KLF13: variants seen among roughly 807,000 people sequenced by gnomAD.
The protein encoded by KLF13 is Krueppel-like factor 13.
Under a neutral mutation model 16.7 loss-of-function variants are expected in KLF13, and 8 were observed. The observed-to-expected ratio is 0.48, with a 90% CI of 0.28 to 0.87. The LOEUF (loss-of-function observed/expected upper bound fraction) is 0.87, where lower values mean the gene tolerates loss of function less well. KLF13 is among the 40% of genes least tolerant of loss of function. The pLI is 0.10. For synonymous variants in KLF13, 245 were observed against 208.4 expected, an observed-to-expected ratio of 1.18 and a Z score of -1.51; for missense variants, 447 against 452.2, an observed-to-expected ratio of 0.99 and a Z score of 0.10.
intron 1 of KLF13, among the ~76,000 whole-genome samples, chr15:31,415,101 C>T (rs1055597471): frequency 1.3e-5 from 2 of 152,158 alleles, no homozygotes; most frequent in Non-Finnish European, 2.9e-5. Flanking sequence ...CTTCCATTCT[C>T]TTGCCATGTG....
intron 1 of KLF13, among the ~76,000 whole-genome samples, chr15:31,360,337 C>G (rs2039363567): frequency 6.6e-6 from 1 of 152,212 alleles, no homozygotes; most frequent in African/African-American, 2.4e-5. Flanking sequence ...CCCCAGAGCA[C>G]TGGTCTCCCC....
At chr15:31,355,905 C>T (rs1389941868) in intron 1 of KLF13, among the ~76,000 whole-genome samples, 2 of 152,040 alleles carry the variant, frequency 1.3e-5, no homozygotes, top group Non-Finnish European at 2.9e-5. Context: ...TGGGGGTTGG[C>T]TGTCATCCTG....
intron 1 of KLF13, among the ~76,000 whole-genome samples, chr15:31,350,950 G>C (rs2039206611): frequency 6.6e-6 from 1 of 152,252 alleles, no homozygotes; most frequent in Non-Finnish European, 1.5e-5. Context: ...ATGACAGCGA[G>C]AGCAGGGAGG....
intron 1 of KLF13, chr15:31,420,245 A>AT (rs1165879289): frequency 1.5e-6 from 1 of 676,612 alleles, no homozygotes; most frequent in East Asian, 3.9e-5. Context: ...GCAGGAGCTG[A>AT]TGACCCTCAT....
downstream of KLF13, among the ~76,000 whole-genome samples, chr15:31,381,166 T>C (rs1328847381): frequency 9.6e-5 from 3 of 31,174 alleles, no homozygotes; most frequent in Non-Finnish European, 2.9e-4. Context: ...TGCAAGACTC[T>C]GTCTCAAAAA....
chr15:31,407,014 G>A (rs1187688673), downstream of KLF13, among the ~76,000 whole-genome samples: 1 of 152,166 alleles, frequency 6.6e-6, no homozygotes, highest in East Asian at 1.9e-4. Context: ...TTTTCCATGT[G>A]AGATAACATA....
chr15:31,432,320 A>G (rs1271533863), intron 1 of KLF13, among the ~76,000 whole-genome samples: 2 of 151,798 alleles, frequency 1.3e-5, no homozygotes, highest in East Asian at 3.9e-4. Flanking sequence ...AGAAGGTTCC[A>G]TACCAGCCAA....
At chr15:31,397,236 T>TGGGGC (rs2039965238) in intron 2 of KLF13, among the ~76,000 whole-genome samples, 1 of 2,022 alleles carries the variant, frequency 4.9e-4, no homozygotes, top group Non-Finnish European at 1.1e-3. Context: ...CGGGGTGGGG[T>TGGGGC]GGGGTGGGGC....
At chr15:31,415,148 G>A (rs1197897098) in intron 1 of KLF13, among the ~76,000 whole-genome samples, 6 of 152,044 alleles carry the variant, frequency 3.9e-5, no homozygotes, top group East Asian at 1.9e-4. Context: ...GCCTTCTGCC[G>A]TGAGTCCATG....
intron 1 of KLF13, among the ~76,000 whole-genome samples, chr15:31,349,657 G>T (rs963935374): frequency 6.6e-6 from 1 of 152,218 alleles, no homozygotes; most frequent in African/African-American, 2.4e-5. Context: ...TTAGGCTGGT[G>T]TCTGCAGGAG....
intron 1 of KLF13, among the ~76,000 whole-genome samples, chr15:31,387,714 C>T (rs776179518): frequency 6.6e-6 from 1 of 152,196 alleles, no homozygotes; most frequent in Non-Finnish European, 1.5e-5. Context: ...TGACATGGTT[C>T]ACAGATGTGG....
Position 31,428,820 on chromosome 15 carries a change from A to AAAAAAAAAAG in KLF13, n.118-6545_118-6544insAAAAGAAAAA, listed in dbSNP as rs61521558. On this transcript the variant is annotated intron_variant and non_coding_transcript_variant, in intron 1 of 1. Transcript: ENST00000558225. ...TCTATCTCAAAAAAAAAAAAAAAAA[A>AAAAAAAAAAG]AAAAAGAAAAAGAAAAAGAAATGCC... Among the ~76,000 whole-genome samples the AAAAAAAAAAG allele has an allele frequency of 3.2e-3, 229 of 72,656 alleles. 4 individuals carry two copies. The highest frequency in any genetic ancestry group is 3.8e-3 in the Non-Finnish European group (164 of 43,104). 47.7% of individuals were successfully genotyped at this position (72,656 alleles called of 152,430 possible).
intron 1 of KLF13, among the ~76,000 whole-genome samples, chr15:31,412,241 G>A (rs1321391546): frequency 6.6e-6 from 1 of 152,160 alleles, no homozygotes; most frequent in Non-Finnish European, 1.5e-5. Flanking sequence ...GACACCAAAT[G>A]TGCTAGCACC....
At chr15:31,429,251 C>A (rs777181780) in intron 1 of KLF13, among the ~76,000 whole-genome samples, 3 of 151,680 alleles carry the variant, frequency 2.0e-5, no homozygotes, top group Non-Finnish European at 4.4e-5. Flanking sequence ...CATGAGAAGT[C>A]CCTAAAAAGG....
In KLF13 at chr15:31,404,003, A is replaced by G. The variant is rs574858496; in HGVS notation, n.1105A>G. ...GCATGTTACCACAAGTACAGTGGTA[A>G]CTAAGCAGGTCGGCATAGGTGCCCA... On this transcript the variant is annotated non_coding_transcript_exon_variant, in exon 3 of 3. Coordinates refer to the KLF13 transcript ENST00000500533. 3 of 152,366 alleles carry G rather than the reference A, an allele frequency of 2.0e-5. No individual in the cohort carries two copies. In the South Asian group the frequency reaches 6.2e-4, roughly 32 times the overall value. 9.4% of individuals were successfully genotyped at this position (152,366 alleles called of 1,614,324 possible). A position where few individuals can be genotyped will look rare whatever the true frequency, so the allele number is the denominator to read the frequency against.
chr15:31,345,648 C>T (rs1385527211), intron 1 of KLF13, among the ~76,000 whole-genome samples: 1 of 152,196 alleles, frequency 6.6e-6, no homozygotes, highest in Non-Finnish European at 1.5e-5. Flanking sequence ...ACCAGGGGAC[C>T]CTGCCCTACT....
chr15:31,418,811 T>C (rs2040287154), intron 1 of KLF13, among the ~76,000 whole-genome samples: 1 of 152,196 alleles, frequency 6.6e-6, no homozygotes, highest in African/African-American at 2.4e-5. Context: ...GAGTAATTTA[T>C]AATGAAAAAA....
intron 1 of KLF13, among the ~76,000 whole-genome samples, chr15:31,432,317 T>C (rs1484891584): frequency 6.6e-6 from 1 of 152,044 alleles, no homozygotes; most frequent in African/African-American, 2.4e-5. Context: ...CGTAGAAGGT[T>C]CCATACCAGC....
chr15:31,372,441 G>GT lies in KLF13; in HGVS notation c.*144dup. 1 of 984,786 alleles carries GT rather than the reference G, an allele frequency of 1.0e-6. No homozygotes were observed. Among genetic ancestry groups the GT allele is most frequent in the South Asian group, 2.7e-5 (1 of 37,404 alleles). 61.0% of individuals were successfully genotyped at this position (984,786 alleles called of 1,614,324 possible). A position where few individuals can be genotyped will look rare whatever the true frequency, so the allele number is the denominator to read the frequency against. On this transcript the variant is annotated 3_prime_UTR_variant, in exon 2 of 2. Coordinates refer to ENST00000307145, the MANE Select transcript of KLF13 (RefSeq NM_015995.4). Reference sequence around the variant, plus strand: ...TCACCTCAGGTGTCAAAGTAAATTTGTTAAAAAAACAAAAAAAACACAAAA... The same window carrying GT: ...TCACCTCAGGTGTCAAAGTAAATTTGTTTAAAAAAACAAAAAAAACACAAAA...
Sources: allele counts gnomAD v4.1 joint callset (sites outside exome capture counted in the v4.1 genomes callset), GRCh38; gene constraint gnomAD v4.1.1; transcripts MANE v1.5; gene names NCBI Gene and HGNC (gene_info 2026-07-23, HGNC 2026-07-21).